Variants in NRIP1 observed in about 807,000 individuals in gnomAD.
NRIP1 encodes the protein nuclear receptor interacting protein 1, also known as nuclear receptor-interacting protein 1.
A neutral mutation model predicts 75.0 loss-of-function variants in NRIP1; 28 were observed. The observed-to-expected ratio is 0.37, with a 90% CI of 0.28 to 0.51. The LOEUF is 0.51. Among genes scored for constraint, NRIP1 ranks in the 20% least tolerant of loss-of-function variants. The pLI, the probability that NRIP1 is intolerant of heterozygous loss-of-function variation, is 0.92. For synonymous variants in NRIP1, 526 were observed against 487.6 expected, an observed-to-expected ratio of 1.08 and a Z score of -1.04; for missense variants, 1,435 against 1,343.7, an observed-to-expected ratio of 1.07 and a Z score of -1.06.
chr21:15,011,510 A>T (rs2088102792), intron 3 of NRIP1, among the ~76,000 whole-genome samples: 1 of 152,140 alleles, frequency 6.6e-6, no homozygotes, highest in Non-Finnish European at 1.5e-5. Flanking sequence ...TTTTAAAAAA[A>T]AATTTATATA....
chr21:14,981,106 C>T, intron 3 of NRIP1, among the ~76,000 whole-genome samples: 1 of 152,150 alleles, frequency 6.6e-6, no homozygotes, highest in East Asian at 1.9e-4. Context: ...TCCCATCCTA[C>T]AGGATTAAGG....
At chr21:15,038,165 A>G (rs1401005201) in intron 2 of NRIP1, among the ~76,000 whole-genome samples, 3 of 152,144 alleles carry the variant, frequency 2.0e-5, no homozygotes, top group Non-Finnish European at 4.4e-5. Context: ...TTATCATCTC[A>G]TATTTATCCT....
At position 14,985,841 on chromosome 21, in the gene NRIP1, A is replaced by G. The variant is rs192278459; in HGVS notation, c.-334-17315T>C. The stretch of plus-strand genomic sequence containing the variant: ...CTCCCCTAGATAAAGATGAAAACCC[A>G]GTTAACATTAAAATACTACTTTGTT... On this transcript the variant is annotated intron_variant, in intron 3 of 3. Transcript: ENST00000318948. 5.9e-5 allele frequency among the ~76,000 whole-genome samples: 9 copies of G among 152,274 alleles called. No individual in the cohort carries two copies. In the East Asian group the frequency reaches 1.7e-3, roughly 29 times the overall value.
chr21:14,999,396 T>C (rs2087802117), intron 3 of NRIP1, among the ~76,000 whole-genome samples: 1 of 152,204 alleles, frequency 6.6e-6, no homozygotes, highest in Non-Finnish European at 1.5e-5. Flanking sequence ...AGGGAGCAAT[T>C]GAAAATTCTG....
chr21:15,047,683 G>A (rs762605751), intron 1 of NRIP1, among the ~76,000 whole-genome samples: 2 of 152,180 alleles, frequency 1.3e-5, no homozygotes, highest in Admixed American at 6.5e-5. Flanking sequence ...GGGGAGTATA[G>A]GAACTACAAT....
At chr21:14,983,590 C>A (rs1184672399) in intron 3 of NRIP1, among the ~76,000 whole-genome samples, 1 of 152,136 alleles carries the variant, frequency 6.6e-6, no homozygotes, top group Non-Finnish European at 1.5e-5. Flanking sequence ...TCAATAGAGA[C>A]AAAACAGCCT....
intron 3 of NRIP1, among the ~76,000 whole-genome samples, chr21:14,979,329 T>G (rs1474373116): frequency 6.6e-6 from 1 of 152,218 alleles, no homozygotes; most frequent in Non-Finnish European, 1.5e-5. Context: ...ATTGCTTGAG[T>G]GTTTATAGTA....
chr21:15,050,482 C>T (rs2089177635), intron 1 of NRIP1: 1 of 318,542 alleles, frequency 3.1e-6, no homozygotes, highest in African/African-American at 2.2e-5. Flanking sequence ...ATGTTGGAGC[C>T]AATTTCTATA....
chr21:15,002,773 A>G (rs1182133347), intron 3 of NRIP1, among the ~76,000 whole-genome samples: 2 of 152,222 alleles, frequency 1.3e-5, no homozygotes. Flanking sequence ...TTCAGGTATT[A>G]ACATAGGGTT....
intron 2 of NRIP1, among the ~76,000 whole-genome samples, chr21:15,019,498 T>C (rs2088319726): frequency 8.4e-6 from 1 of 118,384 alleles, no homozygotes; most frequent in African/African-American, 3.7e-5. Context: ...TTTTTTTTTT[T>C]TTTTTTTTGA....
In NRIP1 at chr21:14,984,875, G is replaced by A. The variant is rs79416991; in HGVS notation, c.-334-16349C>T. The stretch of plus-strand genomic sequence containing the variant: ...TCTCTGAAGGTTCAGAGGATCATTA[G>A]TATTTTTTTAGCTATAAGGTATTTT... On this transcript the variant is annotated intron_variant, in intron 3 of 3. Transcript: ENST00000318948. Among the ~76,000 whole-genome samples, 2,436 of 152,308 alleles carry A rather than the reference G, an allele frequency of 0.016. 243 individuals carry two copies. In the East Asian group the frequency reaches 0.28, roughly 17 times the overall value.
At chr21:15,059,632 T>G (rs2089381159) in intron 1 of NRIP1, among the ~76,000 whole-genome samples, 1 of 152,082 alleles carries the variant, frequency 6.6e-6, no homozygotes, top group African/African-American at 2.4e-5. Context: ...TTCTTGAAAT[T>G]ATTTCAACCA....
In NRIP1 at chr21:14,964,906, G is replaced by T; in HGVS notation, c.3287C>A (p.Ala1096Asp). The change falls in exon 4 of 4, where the codon GCT becomes GAT. Residue 1096 changes from alanine to aspartate, a missense_variant. Physicochemically the swap from Ala to Asp is moderately radical, Grantham distance 126. Transcript: ENST00000318948. ...GGCTGTGACCTGTGAGACACTTTCA[G>T]CAGATGAAGCCTCCCTCCAAATGTC... ...DKDIWREASS[A>D]ESVSQVTAKE... is the part of the protein sequence containing the mutation. 6 of 1,613,302 alleles carry T rather than the reference G, an allele frequency of 3.7e-6. No individual in the cohort carries two copies. The highest frequency in any genetic ancestry group is 4.2e-6 in the Non-Finnish European group (5 of 1,179,636).
At chr21:15,005,318 C>T (rs2087937943) in intron 3 of NRIP1, among the ~76,000 whole-genome samples, 1 of 152,052 alleles carries the variant, frequency 6.6e-6, no homozygotes, top group Non-Finnish European at 1.5e-5. Context: ...TCATCACACA[C>T]ACCAGAAATC....
At chr21:15,045,853 A>T (rs1460624708) in intron 1 of NRIP1, among the ~76,000 whole-genome samples, 1 of 152,196 alleles carries the variant, frequency 6.6e-6, no homozygotes. Flanking sequence ...AGTAGATTCC[A>T]TCTCTAGTAA....
chr21:14,987,590 C>A (rs545814083), intron 3 of NRIP1, among the ~76,000 whole-genome samples: 1 of 152,178 alleles, frequency 6.6e-6, no homozygotes, highest in Non-Finnish European at 1.5e-5. Context: ...GTGGTGGGTG[C>A]TGCAGAGATG....
intron 1 of NRIP1, among the ~76,000 whole-genome samples, chr21:15,057,147 T>C (rs1278634400): frequency 6.6e-6 from 1 of 151,046 alleles, no homozygotes; most frequent in Non-Finnish European, 1.5e-5. Context: ...AACAAAATTG[T>C]TGTGAGTGAA....
chr21:15,036,409 A>C (rs2088833796), intron 2 of NRIP1, among the ~76,000 whole-genome samples: 1 of 152,224 alleles, frequency 6.6e-6, no homozygotes, highest in Non-Finnish European at 1.5e-5. Context: ...CTCAGCATTT[A>C]AATACATAAA....
intron 3 of NRIP1, chr21:14,987,937 T>C (rs886724236): frequency 6.6e-6 from 1 of 152,208 alleles, no homozygotes; most frequent in African/African-American, 2.4e-5. Flanking sequence ...TCCTATCATA[T>C]TCAATTGCCA....
Sources: allele counts gnomAD v4.1 joint callset (sites outside exome capture counted in the v4.1 genomes callset), GRCh38; gene constraint gnomAD v4.1.1; transcripts MANE v1.5; gene names NCBI Gene and HGNC (gene_info 2026-07-23, HGNC 2026-07-21).